The following PRPF18 variants were observed in gnomAD, a reference collection of about 807,000 sequenced individuals.
The protein encoded by PRPF18 is pre-mRNA-splicing factor 18.
Under a neutral mutation model 46.5 loss-of-function variants are expected in PRPF18, and 38 were observed. The ratio of observed to expected loss-of-function variants is 0.82; its 90% CI spans 0.63 to 1.07. PRPF18 has a LOEUF of 1.07. Among genes scored for constraint, PRPF18 ranks in the 50% least tolerant of loss-of-function variants. PRPF18 has a pLI of 0.00. For synonymous variants in PRPF18, 152 were observed against 146.7 expected (o/e 1.04, Z -0.26); for missense variants, 263 against 410.0 (o/e 0.64, Z 3.10).
At chr10:13,614,158 T>C in intron 8 of PRPF18, 72 bp downstream of exon 8, 1 of 1,181,722 alleles carries the variant, frequency 8.5e-7, no homozygotes, top group Middle Eastern at 2.6e-4. Context: ...AATGTTCATT[T>C]GGGATAGGAG....
At chr10:13,595,475 C>G (rs1001146457) in intron 1 of PRPF18, among the ~76,000 whole-genome samples, 2 of 152,092 alleles carry the variant, frequency 1.3e-5, no homozygotes, top group South Asian at 2.1e-4. Flanking sequence ...TATATACTAC[C>G]TAGTCAAAAA....
chr10:13,591,999 T>C, intron 1 of PRPF18: 1 of 846,548 alleles, frequency 1.2e-6, no homozygotes, highest in South Asian at 1.4e-5. Context: ...TCTAGGCATT[T>C]TATGAAGTTT....
intron 6 of PRPF18, among the ~76,000 whole-genome samples, chr10:13,612,622 C>CT (rs61113168): frequency 0.27 from 20,906 of 76,116 alleles, 4,560 homozygotes; most frequent in East Asian, 0.68. Flanking sequence ...AGGGTTCTAG[C>CT]TTTTTTTTTT....
intron 9 of PRPF18, among the ~76,000 whole-genome samples, chr10:13,624,968 A>G (rs1473939932): frequency 1.3e-5 from 2 of 152,220 alleles, no homozygotes; most frequent in Non-Finnish European, 2.9e-5. Context: ...AGACCAAAAC[A>G]CACAGAAAAA....
chr10:13,613,158 A>G (rs1469538573), intron 6 of PRPF18, among the ~76,000 whole-genome samples: 1 of 152,072 alleles, frequency 6.6e-6, no homozygotes, highest in Non-Finnish European at 1.5e-5. Flanking sequence ...CTAGAGGACA[A>G]CATCCTCCTC....
the PRPF18 span, chr10:13,651,692 G>C: frequency 1.1e-5 from 6 of 571,288 alleles, no homozygotes; most frequent in South Asian, 1.1e-4. Context: ...CATACTCTGG[G>C]GGTCTTTTCT....
At chr10:13,642,724 CTTTG>C in the PRPF18 span, 1 of 152,102 alleles carries the variant, frequency 6.6e-6, no homozygotes, top group South Asian at 2.1e-4. Context: ...CGTGAGGGCC[CTTTG>C]TCTTTTTTCA....
downstream of PRPF18, among the ~76,000 whole-genome samples, chr10:13,635,117 A>G (rs1047395025): frequency 1.3e-5 from 2 of 152,166 alleles, no homozygotes; most frequent in African/African-American, 2.4e-5. Flanking sequence ...CTCATTGTTC[A>G]GCTCCTACTT....
intron 2 of PRPF18, 53 bp downstream of exon 2, chr10:13,597,588 A>G: frequency 1.3e-6 from 2 of 1,596,596 alleles, no homozygotes; most frequent in Non-Finnish European, 1.7e-6. Context: ...TTAAATTTAT[A>G]CAGCTGTTGT....
chr10:13,606,825 GTAAA>G (rs1040655562), intron 4 of PRPF18, among the ~76,000 whole-genome samples: 7 of 151,406 alleles, frequency 4.6e-5, no homozygotes, highest in Non-Finnish European at 8.8e-5. Context: ...TTTTTCTTGG[GTAAA>G]TAAATAGGTC....
chr10:13,592,826 G>A (rs751172610), intron 1 of PRPF18, among the ~76,000 whole-genome samples: 1 of 152,158 alleles, frequency 6.6e-6, no homozygotes, highest in African/African-American at 2.4e-5. Context: ...TTTCCTTCCA[G>A]TATTTACTGC....
chr10:13,641,403 T>C, the PRPF18 span: 1 of 152,210 alleles, frequency 6.6e-6, no homozygotes, highest in African/African-American at 2.4e-5. Context: ...CGTGGGGATA[T>C]TGGGTAGGCA....
intron 2 of PRPF18, 41 bp from the exon 3 acceptor site, chr10:13,600,203 T>A: frequency 6.9e-7 from 1 of 1,457,170 alleles, no homozygotes; most frequent in Non-Finnish European, 9.4e-7. Context: ...ATCAACTATA[T>A]TTTTAAAGCT....
intron 9 of PRPF18, among the ~76,000 whole-genome samples, chr10:13,629,528 TA>T (rs1232871315): frequency 3.9e-5 from 6 of 152,228 alleles, no homozygotes; most frequent in Admixed American, 3.3e-4. Flanking sequence ...AAGTAACCAT[TA>T]CCTTGCACTT....
the PRPF18 span, chr10:13,653,192 A>C: frequency 1.3e-5 from 2 of 152,002 alleles, no homozygotes; most frequent in Non-Finnish European, 2.9e-5. Flanking sequence ...AGGCTCCAGA[A>C]AACCTGGTGT....
At chr10:13,638,606 A>G in the PRPF18 span, 1 of 152,184 alleles carries the variant, frequency 6.6e-6, no homozygotes, top group East Asian at 1.9e-4. Context: ...AAGGCCTGAG[A>G]ACCAGGAGAG....
Position 13,614,087 on chromosome 10 carries a change from G to A in PRPF18, c.792+1G>A. The A allele has an allele frequency of 1.3e-6, 2 of 1,566,478 alleles. No individual in the cohort carries two copies. Among genetic ancestry groups the A allele is most frequent in the Non-Finnish European group, 1.7e-6 (2 of 1,147,884 alleles). On this transcript the variant is annotated splice_donor_variant, in intron 8 of 9. Transcript: ENST00000378572. LOFTEE classifies it high-confidence loss of function. The stretch of plus-strand genomic sequence containing the variant: ...CATGTTGCAGAGAGAATACGTGAAG[G>A]TACATTCCCATGCTGTTCTTTGAAA...
the PRPF18 span, chr10:13,644,775 A>G: frequency 5.3e-5 from 8 of 152,138 alleles, no homozygotes; most frequent in East Asian, 1.5e-3. Context: ...CCAATGTATA[A>G]TGTTTCTGAA....
downstream of PRPF18, chr10:13,631,833 A>C (rs1310865082): frequency 1.3e-5 from 2 of 152,258 alleles, no homozygotes; most frequent in Non-Finnish European, 2.9e-5. Flanking sequence ...AGGGGGATGT[A>C]GATTCACAGC....
Sources: allele counts gnomAD v4.1 joint callset (sites outside exome capture counted in the v4.1 genomes callset), GRCh38; gene constraint gnomAD v4.1.1; transcripts MANE v1.5; gene names NCBI Gene and HGNC (gene_info 2026-07-23, HGNC 2026-07-21).